Variants in COL24A1 observed in about 807,000 individuals in gnomAD.
COL24A1 encodes collagen type XXIV alpha 1 chain.
Under a neutral mutation model 253.9 loss-of-function variants are expected in COL24A1, and 224 were observed. The ratio of observed to expected loss-of-function variants is 0.88; its 90% confidence interval spans 0.79 to 0.99. The LOEUF (loss-of-function observed/expected upper bound fraction) is 0.99. COL24A1 is among the 50% of genes least tolerant of loss of function. The probability of loss-of-function intolerance (pLI) is 0.00; values close to 1 mark genes in which losing one functional copy is unlikely to be tolerated. For missense variants in COL24A1, 2,131 were observed against 2,068.5 expected (o/e 1.03, Z -0.59); for synonymous variants, 685 against 673.7 (o/e 1.02, Z -0.26).
chr1:85,901,375 G>T (rs1331507121), intron 28 of COL24A1, among the ~76,000 whole-genome samples: 3 of 152,060 alleles, frequency 2.0e-5, no homozygotes, highest in Non-Finnish European at 4.4e-5. Context: ...CAGGAAGAAT[G>T]ACTATTATTA....
rs76730403 is a variant in COL24A1, at chr1:86,001,754, T to G, written c.2311-14100A>C. Among the ~76,000 whole-genome samples, 523 of 152,206 alleles carry G rather than the reference T, an allele frequency of 3.4e-3. 3 individuals carry two copies. The highest frequency in any genetic ancestry group is 0.012 in the African/African-American group (510 of 41,530). The stretch of plus-strand genomic sequence containing the variant: ...GAACTCATGCCCAAGGGAGGAAATA[T>G]ATATACACACACACACAAAGGAGAG... On this transcript the variant is annotated intron_variant, in intron 19 of 59. Coordinates refer to ENST00000370571, the MANE Select transcript of COL24A1 (RefSeq NM_152890.7).
intron 12 of COL24A1, among the ~76,000 whole-genome samples, chr1:86,034,998 A>T (rs955649705): frequency 2.0e-5 from 3 of 152,182 alleles, no homozygotes. Flanking sequence ...GCAAGTCAGT[A>T]TTAAATATTA....
chr1:85,765,487 C>T (rs1337818148), intron 53 of COL24A1, among the ~76,000 whole-genome samples: 1 of 150,344 alleles, frequency 6.7e-6, no homozygotes, highest in African/African-American at 2.4e-5. Context: ...AGAAGAATCA[C>T]GTGGGGCCAG....
At chr1:86,047,700 A>T (rs866843158) in intron 11 of COL24A1, among the ~76,000 whole-genome samples, 9 of 151,970 alleles carry the variant, frequency 5.9e-5, no homozygotes, top group Admixed American at 2.0e-4. Flanking sequence ...ATTTATTAAA[A>T]TTTTTTATAT....
chr1:85,963,850 C>T (rs889438842), intron 23 of COL24A1, among the ~76,000 whole-genome samples: 1 of 152,100 alleles, frequency 6.6e-6, no homozygotes, highest in Non-Finnish European at 1.5e-5. Context: ...TTTCCTAGCG[C>T]TATTTGGCAG....
intron 8 of COL24A1, among the ~76,000 whole-genome samples, chr1:86,060,719 A>G (rs779466373): frequency 6.6e-6 from 1 of 152,066 alleles, no homozygotes; most frequent in East Asian, 1.9e-4. Flanking sequence ...CTACATTTAA[A>G]GAACCTAAGA....
chr1:85,971,035 ACTGTGT>A (rs1692106735), intron 21 of COL24A1, among the ~76,000 whole-genome samples: 2 of 152,190 alleles, frequency 1.3e-5, no homozygotes, highest in South Asian at 4.1e-4. Flanking sequence ...ACATAGCAAA[ACTGTGT>A]CTTTACAAAA....
In COL24A1 at chr1:85,775,716, G is replaced by GA. The variant is rs141767705; in HGVS notation, c.4339-8dup. The GA allele has an allele frequency of 0.011, 15,161 of 1,402,236 alleles. 331 individuals are homozygous for GA. The African/African-American group carries it at 0.12, about 11-fold the overall frequency. The allele number at this position is 1,402,236 out of a possible 1,614,324, so 86.9% of individuals were successfully genotyped here. Reference sequence around the variant, plus strand: ...CCTTTTCACCTCTGGGTCCCTAAAAGAAAAAAAAAAGATGTTAGTTCATTG... The same window carrying GA: ...CCTTTTCACCTCTGGGTCCCTAAAAGAAAAAAAAAAAGATGTTAGTTCATTG... On this transcript the variant is annotated splice_region_variant and splice_polypyrimidine_tract_variant and intron_variant, in intron 52 of 59. Coordinates refer to ENST00000370571, the MANE Select transcript of COL24A1 (RefSeq NM_152890.7).
chr1:85,740,847 C>T (rs1335341324), intron 57 of COL24A1, among the ~76,000 whole-genome samples: 28 of 148,988 alleles, frequency 1.9e-4, no homozygotes, highest in African/African-American at 5.9e-4. Flanking sequence ...CGGTGGCTCA[C>T]GCCTGTAATC....
intron 52 of COL24A1, among the ~76,000 whole-genome samples, chr1:85,778,134 A>AT (rs1049704064): frequency 2.2e-3 from 340 of 151,430 alleles, no homozygotes; most frequent in African/African-American, 7.6e-3. Flanking sequence ...TTATTTTTAA[A>AT]TTTTTTTTGC....
rs1475877954 is a variant in COL24A1, at chr1:85,968,236, T to C, written c.2463+1991A>G. ...CTTTATATATATCCTATTAGTTCTG[T>C]CCCTCTAGAGAACCTAGACTAATAC... On this transcript the variant is annotated intron_variant, in intron 22 of 59. Coordinates refer to ENST00000370571, the MANE Select transcript of COL24A1 (RefSeq NM_152890.7). Among the ~76,000 whole-genome samples the C allele has an allele frequency of 3.9e-5, 6 of 152,118 alleles. No individual in the cohort carries two copies. In the East Asian group the frequency reaches 5.8e-4, roughly 15 times the overall value.
rs143982151 is a variant in COL24A1 at position 86,102,803 on chromosome 1, G to A, written c.1599+9764C>T. Among the ~76,000 whole-genome samples the A allele has an allele frequency of 8.0e-3, 1,211 of 152,272 alleles. 17 individuals carry two copies. Among genetic ancestry groups the A allele is most frequent in the African/African-American group, 0.026 (1,079 of 41,552 alleles). On this transcript the variant is annotated intron_variant, in intron 5 of 59. Transcript: ENST00000370571. ...TGAGGATTGTTTTACATCCGATTGT[G>A]TGGTCAATGTTAGAGTATGTGCCAT...
chr1:85,834,043 C>T (rs1675700269), intron 43 of COL24A1, among the ~76,000 whole-genome samples: 1 of 151,354 alleles, frequency 6.6e-6, no homozygotes, highest in Admixed American at 6.6e-5. Flanking sequence ...GTGCAGCACA[C>T]CAGCATGGCA....
At chr1:86,058,838 A>G (rs1039895717) in intron 9 of COL24A1, among the ~76,000 whole-genome samples, 1 of 152,108 alleles carries the variant, frequency 6.6e-6, no homozygotes, top group East Asian at 1.9e-4. Context: ...TAAAATCACA[A>G]TCAGGACTGT....
At chr1:86,151,041 G>GGT (rs202137725) in intron 1 of COL24A1, among the ~76,000 whole-genome samples, 1,689 of 150,748 alleles carry the variant, frequency 0.011, 29 homozygotes, top group East Asian at 0.074. Context: ...TATATATATA[G>GGT]GTGTGTGTGT....
chr1:85,909,855 T>C, intron 26 of COL24A1, 95 bp downstream of exon 26: 1 of 963,048 alleles, frequency 1.0e-6, no homozygotes, highest in Non-Finnish European at 1.7e-6. Flanking sequence ...CATTTTTTAC[T>C]CAGTTAAATT....
intron 8 of COL24A1, among the ~76,000 whole-genome samples, chr1:86,063,038 A>G (rs1701207233): frequency 6.6e-6 from 1 of 152,034 alleles, no homozygotes; most frequent in African/African-American, 2.4e-5. Context: ...TTTCACTGTT[A>G]TATTCATATT....
At position 86,125,357 on chromosome 1, in the gene COL24A1, G is replaced by A. The variant is rs371841385; in HGVS notation, c.979C>T (p.Leu327Phe). ...TTGGCCTGAATCCCATGGTTTGTGA[G>A]ATCCACAGCAGAGACATTTCCTGAC... is the stretch of plus-strand genomic sequence containing the variant. ...LQSGNVSAVD[L>F]TNHGIQAKEM... Residue 327 changes from leucine (L) to phenylalanine (F), a missense_variant, in exon 3 of 60, where the codon CTC becomes TTC. Transcript: ENST00000370571. 3.2e-5 allele frequency: 51 copies of A among 1,613,634 alleles called. No homozygotes were observed. In the African/African-American group the frequency reaches 5.9e-4, roughly 19 times the overall value.
At chr1:86,127,514 T>G (rs1425504365) in intron 2 of COL24A1, among the ~76,000 whole-genome samples, 2 of 152,058 alleles carry the variant, frequency 1.3e-5, no homozygotes, top group African/African-American at 4.8e-5. Flanking sequence ...CATATAAATT[T>G]AAATATCACT....
Sources: gnomAD v4.1 joint callset for allele counts (sites outside exome capture counted in the v4.1 genomes callset) on GRCh38, gnomAD v4.1.1 for gene constraint, MANE v1.5 for transcripts, NCBI Gene and HGNC (gene_info 2026-07-23, HGNC 2026-07-21) for gene names.